Variants in MSI2 observed in about 807,000 individuals in gnomAD.
MSI2 encodes the protein musashi RNA binding protein 2.
A neutral mutation model predicts 45.6 loss-of-function variants in MSI2; 17 were observed. That is an observed-to-expected ratio of 0.37 (90% CI 0.26 to 0.56). MSI2 has a LOEUF of 0.56. MSI2 is among the 20% of genes least tolerant of loss of function. MSI2 has a pLI of 0.77. For synonymous variants in MSI2, 156 were observed against 158.2 expected, an observed-to-expected ratio of 0.99 and a Z score of 0.11; for missense variants, 293 against 444.2, an observed-to-expected ratio of 0.66 and a Z score of 3.06.
At chr17:57,485,229 C>T (rs1020934342) in intron 6 of MSI2, among the ~76,000 whole-genome samples, 2 of 152,238 alleles carry the variant, frequency 1.3e-5, no homozygotes, top group African/African-American at 4.8e-5. Flanking sequence ...TGTGAAGCCA[C>T]AGGCCACACT....
chr17:57,386,330 T>C (rs2083685797), intron 5 of MSI2, among the ~76,000 whole-genome samples: 1 of 152,126 alleles, frequency 6.6e-6, no homozygotes, highest in African/African-American at 2.4e-5. Context: ...GCCTTTTATC[T>C]TCTTAGTGCT....
intron 6 of MSI2, among the ~76,000 whole-genome samples, chr17:57,502,636 T>TATATATAGAGAGAGAG: frequency 2.1e-5 from 2 of 96,902 alleles, no homozygotes; most frequent in Non-Finnish European, 2.1e-5. Context: ...TATATATATA[T>TATATATAGAGAGAGAG]AGTCATCATT....
intron 6 of MSI2, among the ~76,000 whole-genome samples, chr17:57,404,297 C>T (rs1304454297): frequency 1.3e-5 from 2 of 152,104 alleles, no homozygotes; most frequent in Non-Finnish European, 2.9e-5. Context: ...AACTCTGCAC[C>T]CTGTGCCAAC....
intron 7 of MSI2, among the ~76,000 whole-genome samples, chr17:57,557,486 C>T (rs1275366983): frequency 6.6e-6 from 1 of 152,248 alleles, no homozygotes; most frequent in Non-Finnish European, 1.5e-5. Context: ...GCCATCACCA[C>T]CCAGCTCACT....
chr17:57,370,635 A>G lies in MSI2; in HGVS notation c.313-30744A>G, dbSNP rs561131276. On this transcript the variant is annotated intron_variant, in intron 5 of 13. Transcript: ENST00000284073. ...TTAGGTTTTAAGTTGAGATTCTGCT[A>G]CGCCTGCTTTGATGGCTAGGTAACA... 2.6e-5 allele frequency among the ~76,000 whole-genome samples: 4 copies of G among 152,332 alleles called. No homozygotes were observed. In the East Asian group the frequency reaches 5.8e-4, roughly 22 times the overall value.
chr17:57,412,606 A>C (rs2084217629), intron 6 of MSI2, among the ~76,000 whole-genome samples: 1 of 152,124 alleles, frequency 6.6e-6, no homozygotes, highest in African/African-American at 2.4e-5. Flanking sequence ...AACTATTTTT[A>C]GTTTTGTGGC....
intron 5 of MSI2, among the ~76,000 whole-genome samples, chr17:57,352,844 G>A (rs1916129351): frequency 6.6e-6 from 1 of 152,200 alleles, no homozygotes; most frequent in South Asian, 2.1e-4. Context: ...GCTCCTCCTA[G>A]CCTCCTCCTC....
At chr17:57,383,876 G>A (rs62060388) in intron 5 of MSI2, among the ~76,000 whole-genome samples, 3 of 152,142 alleles carry the variant, frequency 2.0e-5, no homozygotes, top group Non-Finnish European at 2.9e-5. Flanking sequence ...GTCACTCCAC[G>A]GCTTGGTGCA....
chr17:57,308,281 T>C (rs1454190652), intron 5 of MSI2, among the ~76,000 whole-genome samples: 1 of 152,148 alleles, frequency 6.6e-6, no homozygotes, highest in African/African-American at 2.4e-5. Flanking sequence ...TTTTCCAAGG[T>C]TGTTTTGAGG....
intron 11 of MSI2, among the ~76,000 whole-genome samples, chr17:57,664,103 A>G (rs376434682): frequency 1.3e-5 from 2 of 152,200 alleles, no homozygotes; most frequent in African/African-American, 4.8e-5. Flanking sequence ...TAAACGAGGA[A>G]TTCAGACTAA....
chr17:57,262,695 A>G (rs147411723), intron 5 of MSI2, among the ~76,000 whole-genome samples: 160 of 152,310 alleles, frequency 1.1e-3, no homozygotes, highest in African/African-American at 3.8e-3. Context: ...GGTTGGTTGG[A>G]TAAGTCAGGG....
At chr17:57,660,801 G>A (rs1326597543) in intron 11 of MSI2, among the ~76,000 whole-genome samples, 3 of 152,180 alleles carry the variant, frequency 2.0e-5, no homozygotes, top group Admixed American at 6.5e-5. Flanking sequence ...CTTTATTCTG[G>A]CTGGAGAATA....
Position 57,627,145 on chromosome 17 carries a change from C to G in MSI2, c.653-84C>G. ...GTGAAGGAAAATAACTCAGGCTTTC[C>G]TCATTGCCACCCTCCGTGAGATTTT... On this transcript the variant is annotated intron_variant, in intron 9 of 13. Transcript: ENST00000284073. This position sits in a 1 kb window ranked among gnomAD's most constrained non-coding sequence, Gnocchi z 4.6. 1 of 1,221,354 alleles carries G rather than the reference C, an allele frequency of 8.2e-7. No homozygotes were observed. The highest frequency in any genetic ancestry group is 1.2e-6 in the Non-Finnish European group (1 of 823,922). The allele number at this position is 1,221,354 out of a possible 1,614,324, so 75.7% of individuals were successfully genotyped here.
At chr17:57,273,554 A>T (rs528283404) in intron 5 of MSI2, among the ~76,000 whole-genome samples, 185 of 142,092 alleles carry the variant, frequency 1.3e-3, no homozygotes, top group Middle Eastern at 4.1e-3. Flanking sequence ...GGACCTCATT[A>T]TGAATTTTTC....
At chr17:57,665,636 A>T (rs1485072343) in intron 11 of MSI2, among the ~76,000 whole-genome samples, 1 of 146,854 alleles carries the variant, frequency 6.8e-6, no homozygotes, top group Non-Finnish European at 1.5e-5. Context: ...CCCAGCAGTG[A>T]GTTTTCTATT....
At chr17:57,302,528 G>A (rs980964286) in intron 5 of MSI2, among the ~76,000 whole-genome samples, 1 of 152,170 alleles carries the variant, frequency 6.6e-6, no homozygotes, top group Non-Finnish European at 1.5e-5. Flanking sequence ...TTATTTTTTA[G>A]GGAAAGGAAT....
intron 7 of MSI2, among the ~76,000 whole-genome samples, chr17:57,562,918 C>T (rs546211964): frequency 1.3e-5 from 2 of 151,852 alleles, no homozygotes; most frequent in Non-Finnish European, 2.9e-5. Flanking sequence ...ACCAACATGA[C>T]GAAACCCTGT....
chr17:57,603,504 A>G (rs1906153955), intron 8 of MSI2, among the ~76,000 whole-genome samples: 1 of 152,234 alleles, frequency 6.6e-6, no homozygotes, highest in Non-Finnish European at 1.5e-5. Context: ...TGCAGCTTAT[A>G]TAAAGCTCTG....
intron 5 of MSI2, among the ~76,000 whole-genome samples, chr17:57,383,944 G>A (rs1479737329): frequency 6.6e-6 from 1 of 152,242 alleles, no homozygotes; most frequent in East Asian, 1.9e-4. Flanking sequence ...GCTGATAGCT[G>A]CGTGTAGACT....
Sources: allele counts gnomAD v4.1 joint callset (sites outside exome capture counted in the v4.1 genomes callset), GRCh38; gene constraint gnomAD v4.1.1; non-coding constraint Gnocchi (gnomAD v3.1); transcripts MANE v1.5; gene names NCBI Gene and HGNC (gene_info 2026-07-23, HGNC 2026-07-21).